Variants in DPYD observed in about 807,000 individuals in gnomAD.
DPYD encodes the protein dihydropyrimidine dehydrogenase [NADP(+)].
A neutral mutation model predicts 116.2 loss-of-function variants in DPYD; 109 were observed. The ratio of observed to expected loss-of-function variants is 0.94; its 90% CI spans 0.80 to 1.10. The LOEUF (loss-of-function observed/expected upper bound fraction) is 1.10, where lower values mean the gene tolerates loss of function less well. Ranked by LOEUF, DPYD falls within the 50% of genes least tolerant of loss-of-function variation. DPYD has a pLI of 0.00. For missense variants in DPYD, 1,302 were observed against 1,254.5 expected, an observed-to-expected ratio of 1.04 and a Z score of -0.57; for synonymous variants, 440 against 432.0, an observed-to-expected ratio of 1.02 and a Z score of -0.23.
At chr1:97,257,452 T>TATATATATATATAGAGAGAGAGAG (rs375490078) in intron 18 of DPYD, among the ~76,000 whole-genome samples, 7 of 126,468 alleles carry the variant, frequency 5.5e-5, no homozygotes, top group African/African-American at 1.6e-4. Flanking sequence ...TATATATATA[T>TATATATATATATAGAGAGAGAGAG]AGAGAGAGAG....
At chr1:97,552,160 G>A (rs565387933) in intron 11 of DPYD, among the ~76,000 whole-genome samples, 3 of 152,046 alleles carry the variant, frequency 2.0e-5, no homozygotes, top group Admixed American at 6.6e-5. Context: ...AAAGCCCTGC[G>A]CCTAATTTCA....
At chr1:97,399,253 T>A (rs1673206491) in intron 14 of DPYD, among the ~76,000 whole-genome samples, 1 of 152,196 alleles carries the variant, frequency 6.6e-6, no homozygotes. Flanking sequence ...GATCAGATAG[T>A]TGTAGATGTG....
chr1:97,528,793 T>G (rs1418857369), intron 12 of DPYD, among the ~76,000 whole-genome samples: 1 of 152,184 alleles, frequency 6.6e-6, no homozygotes, highest in Non-Finnish European at 1.5e-5. Context: ...CTGAGACTTT[T>G]TCTTACTGAC....
chr1:97,696,928 A>G lies in DPYD; in HGVS notation c.680+2423T>C, dbSNP rs75916747. On this transcript the variant is annotated intron_variant, in intron 6 of 22. Coordinates refer to ENST00000370192, the MANE Select transcript of DPYD (RefSeq NM_000110.4). ...GAAAAACAATAGGCCTAATGAAAAC[A>G]ATATAAAATTTGAAAGAGGTAAAGC... Among the ~76,000 whole-genome samples the G allele has an allele frequency of 3.7e-3, 559 of 152,186 alleles. 4 individuals are homozygous for G. The highest frequency in any genetic ancestry group is 0.013 in the African/African-American group (535 of 41,566).
chr1:97,158,799 C>T (rs1375336888), intron 20 of DPYD, among the ~76,000 whole-genome samples: 2 of 152,102 alleles, frequency 1.3e-5, no homozygotes. Context: ...CTACCCAAAT[C>T]ACTGGCTGAC....
At chr1:97,646,608 C>A (rs1658276789) in intron 8 of DPYD, among the ~76,000 whole-genome samples, 1 of 151,942 alleles carries the variant, frequency 6.6e-6, no homozygotes. Flanking sequence ...TGTTCCATTG[C>A]AATTTTTTTT....
intron 14 of DPYD, 52 bp downstream of exon 14, chr1:97,450,007 C>T: frequency 3.7e-6 from 6 of 1,607,366 alleles, no homozygotes; most frequent in Non-Finnish European, 5.1e-6. Context: ...TTTAAATAAA[C>T]ATTCACCAAC....
At chr1:97,544,657 C>T (rs1433878868) in intron 12 of DPYD, among the ~76,000 whole-genome samples, 1 of 133,816 alleles carries the variant, frequency 7.5e-6, no homozygotes, top group Admixed American at 7.5e-5. Flanking sequence ...AGTTACAAGA[C>T]AACAGTGAAA....
chr1:97,490,510 T>C (rs938675901), intron 13 of DPYD, among the ~76,000 whole-genome samples: 1 of 148,066 alleles, frequency 6.8e-6, no homozygotes, highest in Non-Finnish European at 1.5e-5. Context: ...ATTATATTAA[T>C]AATATAATAT....
intron 21 of DPYD, among the ~76,000 whole-genome samples, chr1:97,084,315 C>T (rs1420025453): frequency 6.6e-6 from 1 of 151,680 alleles, no homozygotes; most frequent in Non-Finnish European, 1.5e-5. Context: ...TTCCTAACTC[C>T]ACTTTGCAAA....
At chr1:97,917,341 A>AT (rs1238748900) in intron 1 of DPYD, among the ~76,000 whole-genome samples, 10 of 152,128 alleles carry the variant, frequency 6.6e-5, no homozygotes, top group Non-Finnish European at 1.5e-4. Flanking sequence ...TGTTCTGAAA[A>AT]TTTTTTTGCC....
At chr1:97,230,616 C>T (rs889473198) in intron 19 of DPYD, among the ~76,000 whole-genome samples, 2 of 152,042 alleles carry the variant, frequency 1.3e-5, no homozygotes, top group African/African-American at 4.8e-5. Flanking sequence ...TGCACACGTA[C>T]CCTGAACTTA....
At chr1:97,123,650 TTAAG>T (rs1325247750) in intron 20 of DPYD, among the ~76,000 whole-genome samples, 3 of 152,188 alleles carry the variant, frequency 2.0e-5, no homozygotes, top group Admixed American at 6.6e-5. Flanking sequence ...AGAACATTTA[TTAAG>T]TAAGAAAATA....
chr1:97,912,528 A>T (rs568884866), intron 1 of DPYD, among the ~76,000 whole-genome samples: 2 of 152,254 alleles, frequency 1.3e-5, no homozygotes, highest in African/African-American at 4.8e-5. Flanking sequence ...CAGGAAAGAA[A>T]TGTACTACAT....
chr1:97,781,140 C>A (rs920231384), intron 3 of DPYD, among the ~76,000 whole-genome samples: 1 of 152,188 alleles, frequency 6.6e-6, no homozygotes, highest in Non-Finnish European at 1.5e-5. Context: ...GTTGGCTAAA[C>A]CTCCACCTGT....
intron 21 of DPYD, among the ~76,000 whole-genome samples, chr1:97,083,405 T>C (rs1163685005): frequency 2.0e-5 from 3 of 152,098 alleles, no homozygotes; most frequent in Admixed American, 6.6e-5. Context: ...ATTTTTATAA[T>C]CTTGCTTACT....
chr1:97,539,103 A>C (rs907133139), intron 12 of DPYD, among the ~76,000 whole-genome samples: 7 of 152,276 alleles, frequency 4.6e-5, no homozygotes, highest in African/African-American at 1.7e-4. Flanking sequence ...ACAATGAAAA[A>C]ATTAACTTTT....
chr1:97,621,751 A>C (rs1205519444), intron 8 of DPYD, among the ~76,000 whole-genome samples: 1 of 151,992 alleles, frequency 6.6e-6, no homozygotes, highest in Non-Finnish European at 1.5e-5. Flanking sequence ...AGGACTTAGG[A>C]AGGAAATATA....
intron 20 of DPYD, among the ~76,000 whole-genome samples, chr1:97,125,403 T>C (rs893507439): frequency 6.0e-4 from 92 of 152,238 alleles, no homozygotes; most frequent in African/African-American, 2.1e-3. Flanking sequence ...CAACATCTCA[T>C]TTGTTATAGA....
Sources: allele counts gnomAD v4.1 joint callset (sites outside exome capture counted in the v4.1 genomes callset), GRCh38; gene constraint gnomAD v4.1.1; transcripts MANE v1.5; gene names NCBI Gene and HGNC (gene_info 2026-07-23, HGNC 2026-07-21).